BCL2L11: variants seen among roughly 807,000 people sequenced by gnomAD.
BCL2L11 encodes the protein BCL2 like 11.
BCL2L11 carries 15 observed loss-of-function variants against 20.6 expected under a neutral mutation model. The ratio of observed to expected loss-of-function variants is 0.73; its 90% CI spans 0.49 to 1.12. BCL2L11 has a LOEUF of 1.12. Ranked by LOEUF, BCL2L11 falls within the 50% of genes most tolerant of loss-of-function variation. BCL2L11 has a pLI of 0.00. For synonymous variants in BCL2L11, 108 were observed against 92.8 expected, an observed-to-expected ratio of 1.16 and a Z score of -0.94; for missense variants, 292 against 260.9, an observed-to-expected ratio of 1.12 and a Z score of -0.82.
At chr2:111,150,394 A>G in intron 3 of BCL2L11, 1 of 584,118 alleles carries the variant, frequency 1.7e-6, no homozygotes, top group Non-Finnish European at 2.7e-6. Flanking sequence ...ACTTTAAAAC[A>G]ATGCTAAAAA....
rs755418047 is a variant in BCL2L11 at position 111,164,242 on chromosome 2, G to GCGGAGC, written c.*14_*19dup. The GCGGAGC allele has an allele frequency of 1.3e-6, 2 of 1,580,488 alleles. No individual in the cohort carries two copies. Among genetic ancestry groups the GCGGAGC allele is most frequent in the East Asian group, 4.5e-5 (2 of 44,724 alleles). On this transcript the variant is annotated 3_prime_UTR_variant, in exon 4 of 4. Transcript: ENST00000393256. Reference sequence around the variant, plus strand: ...TGGAGAATGCATTGACAGGTTCTTTGCGGAGCCGAGATACCATGCAGACAT... The same window carrying GCGGAGC: ...TGGAGAATGCATTGACAGGTTCTTTGCGGAGCCGGAGCCGAGATACCATGCAGACAT...
At chr2:111,123,560 C>T (rs2071739435) in intron 1 of BCL2L11, 173 bp from the exon 2 acceptor site, 2 of 976,810 alleles carry the variant, frequency 2.0e-6, no homozygotes, top group Non-Finnish European at 2.4e-6. Context: ...AAAAAAATTA[C>T]ACCTTTATTA....
At chr2:111,122,153 A>G (rs1380778761) in intron 1 of BCL2L11, among the ~76,000 whole-genome samples, 1 of 152,072 alleles carries the variant, frequency 6.6e-6, no homozygotes, top group Non-Finnish European at 1.5e-5. Flanking sequence ...AGAGAGAGGA[A>G]GTTGTTGGAG....
At chr2:111,159,020 T>G (rs1176988034) in intron 3 of BCL2L11, among the ~76,000 whole-genome samples, 2 of 152,222 alleles carry the variant, frequency 1.3e-5, no homozygotes, top group East Asian at 3.8e-4. Context: ...TGGGCTGTAT[T>G]CTGAGCTGCA....
intron 2 of BCL2L11, among the ~76,000 whole-genome samples, chr2:111,133,764 G>A (rs926457335): frequency 1.3e-5 from 2 of 152,156 alleles, no homozygotes; most frequent in East Asian, 3.8e-4. Flanking sequence ...GTGTTGTTCA[G>A]TTCTTCTCTG....
intron 1 of BCL2L11, chr2:111,123,074 T>A: frequency 1.0e-5 from 10 of 968,762 alleles, no homozygotes; most frequent in Non-Finnish European, 1.1e-5. Context: ...CATTTAGAGA[T>A]GTGCACCTCA....
intron 2 of BCL2L11, chr2:111,144,500 A>G (rs2076249719): frequency 1.3e-6 from 2 of 1,550,660 alleles, no homozygotes; most frequent in South Asian, 1.2e-5. Flanking sequence ...AACTGGGACT[A>G]GAAACAGCTC....
rs1387691304 is a variant in BCL2L11 at position 111,164,730 on chromosome 2, T to C, written c.*499T>C. 1.3e-5 allele frequency: 2 copies of C among 153,586 alleles called. No homozygotes were observed. Among genetic ancestry groups the C allele is most frequent in the Non-Finnish European group, 2.9e-5 (2 of 68,622 alleles). The allele number at this position is 153,586 out of a possible 1,614,324, so 9.5% of individuals were successfully genotyped here. On this transcript the variant is annotated 3_prime_UTR_variant, in exon 4 of 4. Coordinates refer to ENST00000393256, the MANE Select transcript of BCL2L11 (RefSeq NM_138621.5). ...TTATTTTTAGAGATTACAGAATTTT[T>C]AAACAGGGAGACGTGTGATATACTC...
chr2:111,125,083 C>T (rs2072246596), intron 2 of BCL2L11, among the ~76,000 whole-genome samples: 1 of 152,188 alleles, frequency 6.6e-6, no homozygotes. Flanking sequence ...TTTGCCCCTT[C>T]TATGTTTGGG....
chr2:111,147,446 T>A (rs1257088922), intron 2 of BCL2L11, among the ~76,000 whole-genome samples: 1 of 152,132 alleles, frequency 6.6e-6, no homozygotes, highest in East Asian at 1.9e-4. Flanking sequence ...TGAATTTATT[T>A]AGGCTAATTA....
intron 2 of BCL2L11, among the ~76,000 whole-genome samples, chr2:111,143,697 T>C (rs1203187090): frequency 1.3e-5 from 2 of 152,070 alleles, no homozygotes; most frequent in African/African-American, 2.4e-5. Flanking sequence ...TGGGCTTCTG[T>C]CGTGACTCAG....
intron 3 of BCL2L11, among the ~76,000 whole-genome samples, chr2:111,158,553 GTATA>G (rs1027566831): frequency 1.3e-5 from 2 of 150,618 alleles, no homozygotes; most frequent in Admixed American, 1.3e-4. Flanking sequence ...ATAATTTATA[GTATA>G]TATATAAACA....
At chr2:111,159,907 G>A (rs1162926402) in intron 3 of BCL2L11, among the ~76,000 whole-genome samples, 4 of 152,200 alleles carry the variant, frequency 2.6e-5, no homozygotes, top group Non-Finnish European at 4.4e-5. Context: ...GCTCGACACC[G>A]TCTCAAAGGG....
At chr2:111,145,230 C>G (rs1294811224) in intron 2 of BCL2L11, among the ~76,000 whole-genome samples, 1 of 152,156 alleles carries the variant, frequency 6.6e-6, no homozygotes, top group Admixed American at 6.5e-5. Flanking sequence ...GTCGCACCAC[C>G]TCGTTCCCAG....
At chr2:111,154,860 T>C (rs2077646016) in intron 3 of BCL2L11, among the ~76,000 whole-genome samples, 1 of 152,260 alleles carries the variant, frequency 6.6e-6, no homozygotes, top group Non-Finnish European at 1.5e-5. Context: ...AATGCGTTAC[T>C]GTCAATATTT....
chr2:111,140,731 A>G (rs949168117), intron 2 of BCL2L11, among the ~76,000 whole-genome samples: 3 of 152,222 alleles, frequency 2.0e-5, no homozygotes, highest in African/African-American at 7.2e-5. Flanking sequence ...GTGAGTTTAC[A>G]CCTCATTTTT....
chr2:111,168,218 T>G lies in BCL2L11; in HGVS notation c.*3987T>G, dbSNP rs1253202445. On this transcript the variant is annotated 3_prime_UTR_variant, in exon 4 of 4. Coordinates refer to ENST00000393256, the MANE Select transcript of BCL2L11 (RefSeq NM_138621.5). ...GTATCAGAACTCATCAGGTACCCAC[T>G]TATAAATAGCACTGATCTGGCTGTA... is the stretch of plus-strand genomic sequence containing the variant. 1 of 152,672 alleles carries G rather than the reference T, an allele frequency of 6.5e-6. No homozygotes were observed. The highest frequency in any genetic ancestry group is 1.5e-5 in the Non-Finnish European group (1 of 68,042). 9.5% of individuals were successfully genotyped at this position (152,672 alleles called of 1,614,324 possible). A position where few individuals can be genotyped will look rare whatever the true frequency, so the allele number is the denominator to read the frequency against.
intron 2 of BCL2L11, chr2:111,142,306 C>T: frequency 6.5e-7 from 1 of 1,549,958 alleles, no homozygotes; most frequent in Non-Finnish European, 8.7e-7. Flanking sequence ...ATTTTTATGG[C>T]TTGCAGATGA....
intron 2 of BCL2L11, chr2:111,146,348 G>C (rs2076509679): frequency 1.6e-6 from 1 of 620,028 alleles, no homozygotes; most frequent in African/African-American, 2.0e-5. Flanking sequence ...ATTTATGCTT[G>C]GTTCTTACTT....
Sources: allele counts gnomAD v4.1 joint callset (sites outside exome capture counted in the v4.1 genomes callset), GRCh38; gene constraint gnomAD v4.1.1; transcripts MANE v1.5; gene names NCBI Gene and HGNC (gene_info 2026-07-23, HGNC 2026-07-21).